Variants in ZBTB7C observed in about 807,000 individuals in gnomAD.
ZBTB7C encodes zinc finger and BTB domain containing 7C, also known as zinc finger and BTB domain-containing protein 7C.
Under a neutral mutation model 25.7 loss-of-function variants are expected in ZBTB7C, and 8 were observed. The observed-to-expected ratio is 0.31, with a 90% CI of 0.18 to 0.56. The LOEUF is 0.56. Among genes scored for constraint, ZBTB7C ranks in the 20% least tolerant of loss-of-function variants. The pLI, the probability that ZBTB7C is intolerant of heterozygous loss-of-function variation, is 0.91. For synonymous variants in ZBTB7C, 394 were observed against 369.0 expected (o/e 1.07, Z -0.78); for missense variants, 824 against 855.2 (o/e 0.96, Z 0.46).
At chr18:48,279,980 T>C (rs982474562) in intron 2 of ZBTB7C, among the ~76,000 whole-genome samples, 1 of 152,162 alleles carries the variant, frequency 6.6e-6, no homozygotes, top group Non-Finnish European at 1.5e-5. Flanking sequence ...CAAAAGAATA[T>C]TCATCATTCC....
intron 2 of ZBTB7C, among the ~76,000 whole-genome samples, chr18:48,227,019 C>CAAAAAAA (rs1187830776): frequency 4.7e-4 from 26 of 55,770 alleles, no homozygotes; most frequent in East Asian, 6.6e-4. Flanking sequence ...GACTCCATCT[C>CAAAAAAA]AAAAAAAAAA....
intron 3 of ZBTB7C, among the ~76,000 whole-genome samples, chr18:48,090,015 G>C (rs1185242337): frequency 6.6e-6 from 1 of 152,252 alleles, no homozygotes; most frequent in Non-Finnish European, 1.5e-5. Flanking sequence ...CCGTGGCAGG[G>C]CAGTGAGGTG....
intron 3 of ZBTB7C, among the ~76,000 whole-genome samples, chr18:48,075,770 C>T (rs1490527730): frequency 6.6e-6 from 1 of 152,178 alleles, no homozygotes; most frequent in East Asian, 1.9e-4. Context: ...GGAGGATGTT[C>T]AGGTTAAACA....
chr18:48,300,984 C>T (rs1031961683), intron 2 of ZBTB7C, among the ~76,000 whole-genome samples: 4 of 152,214 alleles, frequency 2.6e-5, no homozygotes, highest in African/African-American at 9.6e-5. Flanking sequence ...GCCTATTTGA[C>T]CATCCACTGA....
rs186613739 is a variant in ZBTB7C, at chr18:48,407,644, G to C, written c.-304+1582C>G. Among the ~76,000 whole-genome samples the C allele has an allele frequency of 9.9e-5, 15 of 152,242 alleles. No homozygotes were observed. In the East Asian group the frequency reaches 2.3e-3, roughly 24 times the overall value. ...CTGTAGCAGGTCACTTTCCTTCCTT[G>C]GGCCTGAGTTTGCTCATCTGTAAAA... On this transcript the variant is annotated intron_variant, in intron 1 of 4. Coordinates refer to ENST00000590800, the MANE Select transcript of ZBTB7C (RefSeq NM_001318841.2).
At chr18:48,101,810 G>C (rs2038840664) in intron 3 of ZBTB7C, among the ~76,000 whole-genome samples, 3 of 152,116 alleles carry the variant, frequency 2.0e-5, no homozygotes, top group Admixed American at 6.6e-5. Context: ...AATTCAGTGT[G>C]CCCTACATGA....
At chr18:48,143,845 C>G (rs9973062) in intron 3 of ZBTB7C, among the ~76,000 whole-genome samples, 25,285 of 152,170 alleles carry the variant, frequency 0.17, 2,219 homozygotes, top group South Asian at 0.24. Context: ...CATCCACTCA[C>G]CACCCTCTGC....
chr18:48,036,017 C>T (rs569631739), intron 4 of ZBTB7C, among the ~76,000 whole-genome samples: 1 of 152,334 alleles, frequency 6.6e-6, no homozygotes, highest in South Asian at 2.1e-4. Flanking sequence ...AGTGCACAGG[C>T]AAAGGGAGCC....
chr18:48,409,040 G>T (rs1002367221), intron 1 of ZBTB7C, among the ~76,000 whole-genome samples, 186 bp downstream of exon 1: 1 of 150,454 alleles, frequency 6.6e-6, no homozygotes, highest in Non-Finnish European at 1.5e-5. Context: ...TGCTCCAGCC[G>T]GCGCCCCAAG....
At chr18:48,115,617 G>GCC (rs1310019894) in intron 3 of ZBTB7C, among the ~76,000 whole-genome samples, 1 of 152,106 alleles carries the variant, frequency 6.6e-6, no homozygotes, top group Non-Finnish European at 1.5e-5. Context: ...TCTGTTACTG[G>GCC]CCACTTGAGT....
intron 2 of ZBTB7C, among the ~76,000 whole-genome samples, chr18:48,294,663 C>T (rs1445783914): frequency 6.6e-6 from 1 of 150,890 alleles, no homozygotes; most frequent in Non-Finnish European, 1.5e-5. Context: ...TGTTGACCTG[C>T]CCCCCACCCC....
intron 1 of ZBTB7C, among the ~76,000 whole-genome samples, chr18:48,367,843 T>G (rs2047282778): frequency 6.6e-6 from 1 of 151,728 alleles, no homozygotes; most frequent in South Asian, 2.1e-4. Context: ...GGGGGTCACA[T>G]GGGGAGTTGT....
At chr18:48,208,591 A>T (rs1210861232) in intron 2 of ZBTB7C, among the ~76,000 whole-genome samples, 1 of 152,102 alleles carries the variant, frequency 6.6e-6, no homozygotes, top group Non-Finnish European at 1.5e-5. Flanking sequence ...TAACTCCTGC[A>T]GGCTCCTTAA....
chr18:48,338,889 C>A (rs2046521609), intron 1 of ZBTB7C, among the ~76,000 whole-genome samples: 1 of 147,658 alleles, frequency 6.8e-6, no homozygotes, highest in African/African-American at 2.5e-5. Flanking sequence ...CCAAGCAAGG[C>A]TTCTGGTGTT....
At chr18:48,158,051 T>C (rs1487348838) in intron 3 of ZBTB7C, among the ~76,000 whole-genome samples, 1 of 152,058 alleles carries the variant, frequency 6.6e-6, no homozygotes, top group African/African-American at 2.4e-5. Flanking sequence ...TCTGAGGACT[T>C]TGCCAAGAAG....
rs574363618 is a variant in ZBTB7C, at chr18:48,081,701, T to G, written c.-16-40578A>C. ...GTTCAACAGGGGTCCAGCATCAAATTAAGTTCTGCAAAATGTTTTGAACTC... is the reference window on the plus strand; with the variant it reads ...GTTCAACAGGGGTCCAGCATCAAATGAAGTTCTGCAAAATGTTTTGAACTC... On this transcript the variant is annotated intron_variant, in intron 3 of 4. Coordinates refer to ENST00000590800, the MANE Select transcript of ZBTB7C (RefSeq NM_001318841.2). Among the ~76,000 whole-genome samples, 4 of 152,238 alleles carry G rather than the reference T, an allele frequency of 2.6e-5. No homozygotes were observed. In the East Asian group the frequency reaches 7.7e-4, roughly 29 times the overall value.
chr18:48,412,048 C>A (rs1031357285), upstream of ZBTB7C, among the ~76,000 whole-genome samples: 4 of 152,242 alleles, frequency 2.6e-5, no homozygotes, highest in Non-Finnish European at 5.9e-5. Flanking sequence ...TCTCTAAAGC[C>A]TCCATTTCCA....
intron 2 of ZBTB7C, among the ~76,000 whole-genome samples, chr18:48,209,890 C>A (rs12232733): frequency 6.6e-6 from 1 of 151,798 alleles, no homozygotes; most frequent in African/African-American, 2.4e-5. Flanking sequence ...GCAACCCACA[C>A]TTGGTAGAAA....
At chr18:48,370,232 A>G (rs967616112) in intron 1 of ZBTB7C, among the ~76,000 whole-genome samples, 1 of 152,230 alleles carries the variant, frequency 6.6e-6, no homozygotes, top group Admixed American at 6.5e-5. Context: ...AATACTACTT[A>G]GCAATAAAAA....
Sources: gnomAD v4.1 joint callset for allele counts (sites outside exome capture counted in the v4.1 genomes callset) on GRCh38, gnomAD v4.1.1 for gene constraint, MANE v1.5 for transcripts, NCBI Gene and HGNC (gene_info 2026-07-23, HGNC 2026-07-21) for gene names.